Variants in LRP1B observed in about 807,000 individuals in gnomAD.
The protein encoded by LRP1B is low-density lipoprotein receptor-related protein 1B.
In LRP1B, 217 loss-of-function variants were observed where a neutral mutation model predicts 556.6. That is an observed-to-expected ratio of 0.39 (90% confidence interval 0.35 to 0.44). The LOEUF (loss-of-function observed/expected upper bound fraction) is 0.44. LRP1B is among the 20% of genes least tolerant of loss of function. The probability of loss-of-function intolerance (pLI) is 1.00; values close to 1 mark genes in which losing one functional copy is unlikely to be tolerated. For missense variants in LRP1B, 5,053 were observed against 5,620.8 expected (o/e 0.90, Z 3.23); for synonymous variants, 2,047 against 1,865.8 (o/e 1.10, Z -2.50).
At chr2:140,744,896 G>A (rs1221490742) in intron 35 of LRP1B, among the ~76,000 whole-genome samples, 4 of 152,262 alleles carry the variant, frequency 2.6e-5, no homozygotes, top group Non-Finnish European at 5.9e-5. Context: ...TCCTTAGTAT[G>A]TAGAATAATG....
At chr2:141,522,524 T>A (rs1684562597) in intron 2 of LRP1B, among the ~76,000 whole-genome samples, 1 of 152,180 alleles carries the variant, frequency 6.6e-6, no homozygotes, top group African/African-American at 2.4e-5. Flanking sequence ...CGTATCTATA[T>A]CTTGGCCTGG....
chr2:140,561,707 C>T (rs1378082234), intron 43 of LRP1B, among the ~76,000 whole-genome samples: 1 of 151,766 alleles, frequency 6.6e-6, no homozygotes, highest in Non-Finnish European at 1.5e-5. Context: ...TACAAATTTC[C>T]TCAAAAAAAT....
intron 51 of LRP1B, among the ~76,000 whole-genome samples, 165 bp downstream of exon 51, chr2:140,514,488 T>A (rs6430906): frequency 0.75 from 114,349 of 151,746 alleles, 43,653 homozygotes; most frequent in Middle Eastern, 0.86. Flanking sequence ...TATAAAAATA[T>A]TAGAATAATG....
At chr2:141,311,697 A>G (rs1222499072) in intron 3 of LRP1B, among the ~76,000 whole-genome samples, 7 of 152,200 alleles carry the variant, frequency 4.6e-5, no homozygotes, top group Non-Finnish European at 8.8e-5. Flanking sequence ...CCCTCTTGTC[A>G]TGTGATACCT....
rs61682272 is a variant in LRP1B at position 141,923,403 on chromosome 2, CTATA to C, written c.83-113006_83-113003del. 3.3e-4 allele frequency among the ~76,000 whole-genome samples: 34 copies of C among 102,106 alleles called. 1 individual carries two copies. The highest frequency in any genetic ancestry group is 5.3e-4 in the Non-Finnish European group (28 of 52,956). 67.0% of individuals were successfully genotyped at this position (102,106 alleles called of 152,430 possible). On this transcript the variant is annotated intron_variant, in intron 1 of 90. Transcript: ENST00000389484. Reference sequence around the variant, plus strand: ...ATTTTTAATGAAATTATCTCTGTCACTATATATATATATATATATAGTGACAAAG... The same window carrying C: ...ATTTTTAATGAAATTATCTCTGTCACTATATATATATATATAGTGACAAAG...
chr2:141,769,060 T>A (rs1282276673), intron 2 of LRP1B, among the ~76,000 whole-genome samples: 4 of 152,166 alleles, frequency 2.6e-5, no homozygotes, highest in Non-Finnish European at 4.4e-5. Context: ...AGATGACAAC[T>A]ATCTGTAATT....
chr2:141,102,800 TAC>T (rs1392709716), intron 7 of LRP1B, among the ~76,000 whole-genome samples: 2 of 152,096 alleles, frequency 1.3e-5, no homozygotes, highest in Middle Eastern at 3.2e-3. Context: ...TTTAAATGGT[TAC>T]AGTTACCCAG....
intron 1 of LRP1B, among the ~76,000 whole-genome samples, chr2:141,947,605 T>C (rs1371368148): frequency 6.6e-6 from 1 of 152,026 alleles, no homozygotes; most frequent in Non-Finnish European, 1.5e-5. Context: ...TAGGGCGTGA[T>C]AGTGTTCATG....
chr2:140,956,321 TA>T, intron 18 of LRP1B, among the ~76,000 whole-genome samples: 1 of 151,768 alleles, frequency 6.6e-6, no homozygotes, highest in South Asian at 2.1e-4. Context: ...CAAAATACAT[TA>T]TTTTTTTCAC....
At chr2:140,680,458 C>T (rs560367110) in intron 41 of LRP1B, among the ~76,000 whole-genome samples, 1 of 152,168 alleles carries the variant, frequency 6.6e-6, no homozygotes, top group Non-Finnish European at 1.5e-5. Context: ...TAAACTCTCT[C>T]CAGTGGCTAC....
At chr2:140,915,744 A>G (rs369135274) in intron 21 of LRP1B, among the ~76,000 whole-genome samples, 2 of 152,148 alleles carry the variant, frequency 1.3e-5, no homozygotes, top group South Asian at 4.2e-4. Flanking sequence ...ATTCTTCTTT[A>G]TAGACAGGAC....
At chr2:140,582,930 G>C (rs1372980038) in intron 43 of LRP1B, among the ~76,000 whole-genome samples, 1 of 152,012 alleles carries the variant, frequency 6.6e-6, no homozygotes, top group Non-Finnish European at 1.5e-5. Flanking sequence ...TACATGTTGG[G>C]GTGATTTGAC....
intron 3 of LRP1B, among the ~76,000 whole-genome samples, chr2:141,371,009 G>A (rs1463309978): frequency 6.6e-6 from 1 of 152,050 alleles, no homozygotes; most frequent in Non-Finnish European, 1.5e-5. Context: ...TTGAGATGGA[G>A]TTTCGCTCTC....
intron 15 of LRP1B, among the ~76,000 whole-genome samples, chr2:140,995,802 C>T (rs1369184638): frequency 6.6e-6 from 1 of 151,934 alleles, no homozygotes; most frequent in Admixed American, 6.6e-5. Context: ...CTGCATGTTC[C>T]AGGTTCTCTA....
chr2:142,114,671 A>G (rs1707119105), intron 1 of LRP1B, among the ~76,000 whole-genome samples: 2 of 152,246 alleles, frequency 1.3e-5, no homozygotes, highest in South Asian at 4.1e-4. Context: ...AGGCCCAAAA[A>G]GGCAAGTATC....
chr2:141,417,894 G>C (rs1435863881), intron 3 of LRP1B, among the ~76,000 whole-genome samples: 1 of 150,874 alleles, frequency 6.6e-6, no homozygotes, highest in Non-Finnish European at 1.5e-5. Context: ...AGTTTTATTT[G>C]CTGTCATTTT....
In LRP1B at chr2:142,130,773, G is replaced by A. The variant is rs1036470827; in HGVS notation, c.-44C>T. 6.5e-7 allele frequency: 1 copy of A among 1,544,928 alleles called. No homozygotes were observed. The highest frequency in any genetic ancestry group is 8.9e-7 in the Non-Finnish European group (1 of 1,127,772). On this transcript the variant is annotated 5_prime_UTR_variant, in exon 1 of 91. Transcript: ENST00000389484. ...AAGCCTGCGCTGGAGACTGCTCGGC[G>A]GCACCTTCGGCCCGGCGGCGGCGGC... is the stretch of plus-strand genomic sequence containing the variant.
chr2:141,511,665 T>C (rs947105210), intron 2 of LRP1B, among the ~76,000 whole-genome samples: 2 of 152,182 alleles, frequency 1.3e-5, no homozygotes, highest in African/African-American at 4.8e-5. Context: ...TTCCAAAACC[T>C]TGTGTGCTTG....
chr2:141,798,712 A>C (rs1430711515), intron 2 of LRP1B, among the ~76,000 whole-genome samples: 1 of 150,882 alleles, frequency 6.6e-6, no homozygotes, highest in African/African-American at 2.4e-5. Context: ...TCTCAAAAAA[A>C]AAAAAAAAAA....
Sources: allele counts gnomAD v4.1 joint callset (sites outside exome capture counted in the v4.1 genomes callset), GRCh38; gene constraint gnomAD v4.1.1; transcripts MANE v1.5; gene names NCBI Gene and HGNC (gene_info 2026-07-23, HGNC 2026-07-21).